PCDHGB6: variants seen among roughly 807,000 people sequenced by gnomAD.
PCDHGB6 encodes protocadherin gamma-B6.
Under a neutral mutation model 59.1 loss-of-function variants are expected in PCDHGB6, and 51 were observed. The ratio of observed to expected loss-of-function variants is 0.86; its 90% CI spans 0.69 to 1.09. The LOEUF is 1.09. Among genes scored for constraint, PCDHGB6 ranks in the 50% least tolerant of loss-of-function variants. The probability of loss-of-function intolerance (pLI) is 0.00; values close to 1 mark genes in which losing one functional copy is unlikely to be tolerated. For synonymous variants in PCDHGB6, 466 were observed against 495.1 expected (o/e 0.94, Z 0.78); for missense variants, 1,148 against 1,205.1 (o/e 0.95, Z 0.70).
intron 1 of PCDHGB6, among the ~76,000 whole-genome samples, chr5:141,492,409 C>A (rs1367119266): frequency 6.6e-6 from 1 of 152,230 alleles, no homozygotes; most frequent in Non-Finnish European, 1.5e-5. Flanking sequence ...TCCCCTCTGC[C>A]GCTCCCTCCG....
intron 1 of PCDHGB6, among the ~76,000 whole-genome samples, chr5:141,472,555 A>T (rs1360460094): frequency 6.6e-6 from 1 of 152,024 alleles, no homozygotes; most frequent in South Asian, 2.1e-4. Flanking sequence ...AAAAAAAATT[A>T]TATTATAAAT....
chr5:141,409,443 A>C lies in PCDHGB6; in HGVS notation c.1241A>C (p.Gln414Pro), dbSNP rs1276603306. ...LVTDGALDRE[Q>P]TPEYNVTIVA... is the part of the protein sequence containing the mutation. ...ACAGATGGAGCCCTGGACCGAGAGC[A>C]GACACCAGAATACAATGTCACCATC... is the stretch of plus-strand genomic sequence containing the variant. The change falls in exon 1 of 4, where the codon CAG (glutamine) becomes CCG (proline). Residue 414 changes from glutamine (Q) to proline (P), a missense_variant. Coordinates refer to ENST00000520790, the MANE Select transcript of PCDHGB6 (RefSeq NM_018926.3). The C allele has an allele frequency of 6.2e-7, 1 of 1,614,014 alleles. No homozygotes were observed. The highest frequency in any genetic ancestry group is 2.2e-5 in the East Asian group (1 of 44,878).
intron 1 of PCDHGB6, among the ~76,000 whole-genome samples, chr5:141,450,025 G>C (rs963999877): frequency 2.7e-5 from 1 of 36,752 alleles, no homozygotes; most frequent in Non-Finnish European, 5.4e-5. Context: ...TTTTTTTTTT[G>C]AGACAGGGTC....
intron 1 of PCDHGB6, chr5:141,423,010 G>C: frequency 6.2e-7 from 1 of 1,614,226 alleles, no homozygotes; most frequent in South Asian, 1.1e-5. Context: ...GGTGGTTGCG[G>C]TGGACAAAGA....
chr5:141,470,671 C>T (rs2099236433), intron 1 of PCDHGB6, among the ~76,000 whole-genome samples: 1 of 152,064 alleles, frequency 6.6e-6, no homozygotes, highest in African/African-American at 2.4e-5. Context: ...TAGGGCTCTG[C>T]TGTTACCATC....
chr5:141,476,062 A>G lies in PCDHGB6; in HGVS notation c.2419-18745A>G, dbSNP rs2099384587. On this transcript the variant is annotated intron_variant, in intron 1 of 3. Coordinates refer to ENST00000520790, the MANE Select transcript of PCDHGB6 (RefSeq NM_018926.3). This position sits in a 1 kb window ranked among gnomAD's most constrained non-coding sequence, Gnocchi z 7.6. ...AGCGCTAACCCGCTGAAAGTTTCTC[A>G]GCGAAATCTCAGGGACGATCTGGAC... The G allele has an allele frequency of 1.8e-5, 27 of 1,509,766 alleles. No individual in the cohort carries two copies. Among genetic ancestry groups the G allele is most frequent in the Non-Finnish European group, 2.3e-5 (26 of 1,136,920 alleles). The allele number at this position is 1,509,766 out of a possible 1,614,324, so 93.5% of individuals were successfully genotyped here.
intron 1 of PCDHGB6, chr5:141,423,287 C>T: frequency 6.3e-7 from 1 of 1,586,406 alleles, no homozygotes; most frequent in South Asian, 1.1e-5. Flanking sequence ...AACTCTGAAA[C>T]CTCAGACCTC....
intron 1 of PCDHGB6, among the ~76,000 whole-genome samples, chr5:141,465,888 C>T (rs1031908926): frequency 5.3e-5 from 8 of 151,942 alleles, no homozygotes; most frequent in South Asian, 2.1e-4. Context: ...TTTGGGAGGC[C>T]GAGGCGGGCA....
intron 2 of PCDHGB6, among the ~76,000 whole-genome samples, chr5:141,505,117 G>A (rs575627148): frequency 1.8e-4 from 27 of 152,226 alleles, no homozygotes; most frequent in African/African-American, 3.6e-4. Context: ...AGCCAAGATC[G>A]CGCCACTGCA....
intron 3 of PCDHGB6, among the ~76,000 whole-genome samples, chr5:141,507,590 T>C (rs531629336): frequency 1.3e-5 from 2 of 152,374 alleles, no homozygotes; most frequent in African/African-American, 4.8e-5. Context: ...AGTTGGCCTC[T>C]TGAGGGAAAT....
chr5:141,416,728 T>C (rs2096057160), intron 1 of PCDHGB6: 1 of 152,232 alleles, frequency 6.6e-6, no homozygotes, highest in Non-Finnish European at 1.5e-5. Context: ...GTTCATTTAG[T>C]TCAATGAAAA....
chr5:141,493,656 T>C lies in PCDHGB6; in HGVS notation c.2419-1151T>C, dbSNP rs1481871984. Among the ~76,000 whole-genome samples, 1 of 152,184 alleles carries C rather than the reference T, an allele frequency of 6.6e-6. No homozygotes were observed. Among genetic ancestry groups the C allele is most frequent in the African/African-American group, 2.4e-5 (1 of 41,454 alleles). ...CTGAGGGCTGGCCATCCCTGTGCCC[T>C]TCTCCATGGCAGCCCCAGAATGGTG... On this transcript the variant is annotated intron_variant, in intron 1 of 3. Coordinates refer to ENST00000520790, the MANE Select transcript of PCDHGB6 (RefSeq NM_018926.3). The surrounding 1 kb of genome is among the most constrained non-coding windows in gnomAD (Gnocchi z 4.3).
At position 141,408,231 on chromosome 5, in the gene PCDHGB6, G is replaced by C. The variant is rs775180708; in HGVS notation, c.29G>C (p.Arg10Pro). 1.0e-5 allele frequency: 16 copies of C among 1,567,976 alleles called. No individual in the cohort carries two copies. The highest frequency in any genetic ancestry group is 1.2e-5 in the Non-Finnish European group (14 of 1,156,162). MGGSCAQRR[R>P]AGPRQVLFPL... ...GGAGGGAGCTGCGCGCAGAGGCGCC[G>C]GGCCGGCCCGCGGCAGGTGCTATTT... is the stretch of plus-strand genomic sequence containing the variant. Residue 10 changes from arginine (R) to proline (P), a missense_variant, in exon 1 of 4, where the codon CGG becomes CCG. This residue lies in a region of PCDHGB6 where 307 missense variants were observed against 323.8 expected (regional missense o/e 0.95). Transcript: ENST00000520790.
At position 141,476,827 on chromosome 5, in the gene PCDHGB6, G is replaced by A; in HGVS notation, c.2419-17980G>A. On this transcript the variant is annotated intron_variant, in intron 1 of 3. Transcript: ENST00000520790. The surrounding 1 kb of genome is among the most constrained non-coding windows in gnomAD (Gnocchi z 7.6). ...CTATTCACATCAAGGTGCTGGACGC[G>A]AATGACAATGCGCCTGTCTTCAACC... The A allele has an allele frequency of 1.2e-6, 2 of 1,613,542 alleles. No individual in the cohort carries two copies. Among genetic ancestry groups the A allele is most frequent in the Non-Finnish European group, 1.7e-6 (2 of 1,180,046 alleles).
At position 141,431,270 on chromosome 5, in the gene PCDHGB6, G is replaced by C. The variant is rs369177310; in HGVS notation, c.2418+20650G>C. 1.2e-5 allele frequency: 19 copies of C among 1,613,996 alleles called. No homozygotes were observed. Among genetic ancestry groups the C allele is most frequent in the Non-Finnish European group, 1.5e-5 (18 of 1,180,018 alleles). ...CGGGAAGAACTCTCTGCAGAGCTAC[G>C]AGCTCAGCCCGAACACTCACTTCTC... is the stretch of plus-strand genomic sequence containing the variant. On this transcript the variant is annotated intron_variant, in intron 1 of 3. Coordinates refer to ENST00000520790, the MANE Select transcript of PCDHGB6 (RefSeq NM_018926.3). This position sits in a 1 kb window ranked among gnomAD's most constrained non-coding sequence, Gnocchi z 4.8.
intron 1 of PCDHGB6, chr5:141,430,781 C>A: frequency 6.6e-7 from 1 of 1,510,922 alleles, no homozygotes; most frequent in Non-Finnish European, 8.8e-7. Context: ...GCGACTGCAC[C>A]GGGACTACAA....
intron 1 of PCDHGB6, among the ~76,000 whole-genome samples, chr5:141,465,396 C>A (rs2099102528): frequency 6.6e-6 from 1 of 152,054 alleles, no homozygotes; most frequent in Admixed American, 6.6e-5. Context: ...AAAAACAAGT[C>A]AGAAGAAGCC....
At chr5:141,452,281 T>G (rs948141174) in intron 1 of PCDHGB6, among the ~76,000 whole-genome samples, 2 of 152,232 alleles carry the variant, frequency 1.3e-5, no homozygotes, top group Non-Finnish European at 2.9e-5. Flanking sequence ...CCTTTCTTAC[T>G]TTCTGATATA....
intron 1 of PCDHGB6, chr5:141,427,962 G>C (rs767684725): frequency 5.0e-6 from 8 of 1,589,982 alleles, no homozygotes; most frequent in Non-Finnish European, 6.9e-6. Flanking sequence ...TGTGCCGCGG[G>C]TGCTGTACCC....
Sources: gnomAD v4.1 joint callset for allele counts (sites outside exome capture counted in the v4.1 genomes callset) on GRCh38, gnomAD v4.1.1 for gene constraint, gnomAD v4.1.1 regional missense constraint, Gnocchi (gnomAD v3.1) non-coding constraint, MANE v1.5 for transcripts, NCBI Gene and HGNC (gene_info 2026-07-23, HGNC 2026-07-21) for gene names.